The following THSD4 variants were observed in gnomAD, a reference collection of about 807,000 sequenced individuals.
The protein encoded by THSD4 is thrombospondin type-1 domain-containing protein 4.
THSD4 carries 69 observed loss-of-function variants against 119.0 expected under a neutral mutation model. The observed-to-expected ratio is 0.58, with a 90% confidence interval of 0.48 to 0.71. The LOEUF is 0.71. THSD4 is among the 30% of genes least tolerant of loss of function. The pLI is 0.00. For synonymous variants in THSD4, 524 were observed against 540.4 expected, an observed-to-expected ratio of 0.97 and a Z score of 0.42; for missense variants, 1,393 against 1,391.1, an observed-to-expected ratio of 1.00 and a Z score of -0.02.
intron 6 of THSD4, chr15:71,348,038 A>G (rs1221498693): frequency 6.6e-6 from 1 of 152,220 alleles, no homozygotes; most frequent in African/African-American, 2.4e-5. Context: ...CAAAGGGAAC[A>G]GAGTGTTTGA....
chr15:71,451,985 G>C (rs543918665), intron 7 of THSD4, among the ~76,000 whole-genome samples: 1 of 152,202 alleles, frequency 6.6e-6, no homozygotes, highest in East Asian at 1.9e-4. Flanking sequence ...GCAGCACACT[G>C]TTGAGGGTTG....
In THSD4 at chr15:71,337,724, G is replaced by C. The variant is rs571503575; in HGVS notation, c.1016-73963G>C. On this transcript the variant is annotated intron_variant, in intron 6 of 17. Transcript: ENST00000261862. ...AAGATGAGGCTCTGCCTGAACACTT[G>C]AGGAGGGCCTTTGCATACCCCAGGT... Among the ~76,000 whole-genome samples the C allele has an allele frequency of 2.3e-4, 15 of 66,064 alleles. No homozygotes were observed. In the East Asian group the frequency reaches 2.7e-3, roughly 12 times the overall value. The allele number at this position is 66,064 out of a possible 152,430, so 43.3% of individuals were successfully genotyped here.
intron 7 of THSD4, among the ~76,000 whole-genome samples, chr15:71,474,574 A>C (rs1002954150): frequency 1.3e-5 from 2 of 152,172 alleles, no homozygotes; most frequent in Non-Finnish European, 1.5e-5. Context: ...TCATGCAACC[A>C]GTCCACCGTT....
intron 3 of THSD4, chr15:71,186,727 C>G (rs2141432766): frequency 1.3e-5 from 2 of 152,302 alleles, no homozygotes; most frequent in South Asian, 2.1e-4. Context: ...TACCGCAGAG[C>G]CTAGTACATG....
intron 7 of THSD4, among the ~76,000 whole-genome samples, chr15:71,462,139 T>C (rs1480714536): frequency 6.6e-6 from 1 of 152,116 alleles, no homozygotes; most frequent in Non-Finnish European, 1.5e-5. Flanking sequence ...TTTTAAAAAA[T>C]ATAACTCTTC....
Position 71,256,728 on chromosome 15 carries a change from C to G in THSD4, c.1015+13C>G, listed in dbSNP as rs372205325. ...CCATTTGCAGAAGGTAAGAATAGAC[C>G]CAGCCCTGTCCATAGAAGTTACTTT... On this transcript the variant is annotated intron_variant, in intron 6 of 17. Transcript: ENST00000261862. The G allele has an allele frequency of 2.5e-6, 4 of 1,600,804 alleles. No individual in the cohort carries two copies. The highest frequency in any genetic ancestry group is 2.6e-6 in the Non-Finnish European group (3 of 1,171,538).
chr15:71,362,887 G>T (rs1454294952), intron 6 of THSD4, among the ~76,000 whole-genome samples: 1 of 151,866 alleles, frequency 6.6e-6, no homozygotes, highest in African/African-American at 2.4e-5. Context: ...TAAAGCAGGG[G>T]TGTCTAATCT....
At chr15:71,291,159 C>A (rs1194999103) in intron 6 of THSD4, among the ~76,000 whole-genome samples, 1 of 152,118 alleles carries the variant, frequency 6.6e-6, no homozygotes, top group Non-Finnish European at 1.5e-5. Flanking sequence ...CATGTAGTTA[C>A]AACTGAACTT....
chr15:71,498,627 G>C (rs1489666998), intron 7 of THSD4, among the ~76,000 whole-genome samples: 1 of 152,168 alleles, frequency 6.6e-6, no homozygotes, highest in East Asian at 1.9e-4. Context: ...ATTCATCCTT[G>C]CTGCCCTCTC....
intron 8 of THSD4, among the ~76,000 whole-genome samples, chr15:71,703,370 G>T (rs1400620150): frequency 6.6e-6 from 1 of 152,178 alleles, no homozygotes; most frequent in Non-Finnish European, 1.5e-5. Context: ...AGGTGAAAAT[G>T]ATAGTTTTAT....
At chr15:71,138,273 A>G (rs2040569031) in intron 1 of THSD4, among the ~76,000 whole-genome samples, 1 of 152,158 alleles carries the variant, frequency 6.6e-6, no homozygotes, top group African/African-American at 2.4e-5. Context: ...TGAAACCATC[A>G]GATCTTGTGG....
intron 8 of THSD4, among the ~76,000 whole-genome samples, chr15:71,723,072 G>GTTTTT (rs56241621): frequency 3.4e-5 from 5 of 148,604 alleles, no homozygotes; most frequent in Non-Finnish European, 3.0e-5. Context: ...ATTTAGGCTA[G>GTTTTT]TTTTTTTTTT....
intron 6 of THSD4, among the ~76,000 whole-genome samples, chr15:71,289,453 A>G (rs1303643090): frequency 6.6e-6 from 1 of 151,520 alleles, no homozygotes; most frequent in Non-Finnish European, 1.5e-5. Context: ...TCCCTGCCGC[A>G]CTCTCCATTG....
At chr15:71,283,513 C>T (rs552991159) in intron 6 of THSD4, among the ~76,000 whole-genome samples, 1 of 152,106 alleles carries the variant, frequency 6.6e-6, no homozygotes, top group Non-Finnish European at 1.5e-5. Flanking sequence ...ACCCTGAACC[C>T]AGCTCATTAA....
intron 6 of THSD4, among the ~76,000 whole-genome samples, chr15:71,344,607 G>A (rs538320920): frequency 7.3e-4 from 111 of 152,222 alleles, no homozygotes; most frequent in Non-Finnish European, 1.3e-3. Flanking sequence ...GCACTGTGCC[G>A]TAAGCATATC....
intron 8 of THSD4, among the ~76,000 whole-genome samples, chr15:71,707,096 G>A (rs2052406933): frequency 6.6e-6 from 1 of 152,146 alleles, no homozygotes; most frequent in Non-Finnish European, 1.5e-5. Flanking sequence ...GGGTGGTTCT[G>A]AAGGGTGAAA....
At position 71,127,962 on chromosome 15, in the gene THSD4, C is replaced by T. The variant is rs2040469223; in HGVS notation, c.-80+12264C>T. 2.6e-5 allele frequency among the ~76,000 whole-genome samples: 4 copies of T among 152,150 alleles called. No individual in the cohort carries two copies. The South Asian group carries it at 8.3e-4, about 32-fold the overall frequency. The stretch of plus-strand genomic sequence containing the variant: ...TTGCCTGCACTTCTGGGGTTAAATA[C>T]AAAAAATTATTCCAGGCCAGCGTCT... On this transcript the variant is annotated intron_variant, in intron 1 of 17. Coordinates refer to ENST00000261862, the MANE Select transcript of THSD4 (RefSeq NM_024817.3).
At chr15:71,443,630 C>T (rs1208768503) in intron 7 of THSD4, among the ~76,000 whole-genome samples, 3 of 152,158 alleles carry the variant, frequency 2.0e-5, no homozygotes, top group African/African-American at 7.2e-5. Context: ...TTGTCCCTTC[C>T]AGGTCCCCCT....
chr15:71,593,144 G>GGTGACCTTTTAAAAGCACCCTAA (rs1353727997), intron 7 of THSD4, among the ~76,000 whole-genome samples: 10 of 44,686 alleles, frequency 2.2e-4, no homozygotes, highest in South Asian at 1.7e-3. Context: ...GAGCCTGTAG[G>GGTGACCTTTTAAAAGCACCCTAA]CCGGGCGCGG....
Sources: allele counts gnomAD v4.1 joint callset (sites outside exome capture counted in the v4.1 genomes callset), GRCh38; gene constraint gnomAD v4.1.1; transcripts MANE v1.5; gene names NCBI Gene and HGNC (gene_info 2026-07-23, HGNC 2026-07-21).